The following ITGA3 variants were observed in gnomAD, a reference collection of about 807,000 sequenced individuals.
The protein encoded by ITGA3 is integrin alpha-3.
A neutral mutation model predicts 131.1 loss-of-function variants in ITGA3; 70 were observed. The observed-to-expected ratio is 0.53, with a 90% CI of 0.44 to 0.65. ITGA3 has a LOEUF of 0.65. Ranked by LOEUF, ITGA3 falls within the 30% of genes least tolerant of loss-of-function variation. The pLI is 0.00. For synonymous variants in ITGA3, 537 were observed against 571.6 expected, an observed-to-expected ratio of 0.94 and a Z score of 0.86; for missense variants, 1,098 against 1,388.6, an observed-to-expected ratio of 0.79 and a Z score of 3.33.
Position 50,074,544 on chromosome 17 carries a change from T to C in ITGA3, c.1469+10T>C, listed in dbSNP as rs4793639. On this transcript the variant is annotated intron_variant, in intron 10 of 25. Transcript: ENST00000320031. ...GCACGGCCACCTCTTGGTGAGATTG[T>C]TCTGCCCACCTACTCCTCATTTATT... 1,422,703 of 1,597,402 alleles carry C rather than the reference T, an allele frequency of 0.89. 637,744 individuals carry two copies. Among genetic ancestry groups the C allele is most frequent in the Non-Finnish European group, 0.92 (1,068,262 of 1,165,352 alleles).
At chr17:50,066,481 G>A (rs150123588) in intron 3 of ITGA3, among the ~76,000 whole-genome samples, 1 of 152,116 alleles carries the variant, frequency 6.6e-6, no homozygotes, top group African/African-American at 2.4e-5. Flanking sequence ...AACAATGCCT[G>A]GCTTTTTTCT....
rs748890642 is a variant in ITGA3, at chr17:50,070,854, C to T, written c.675C>T (p.Tyr225=). ...PGAYNWKGNS[Y]MIQRKEWDLS... is the part of the protein sequence containing the mutation. ...TCAATCCCTGTGAAGGAAACAGCTA[C>T]ATGATTCAGCGCAAGGAGTGGGACT... is the stretch of plus-strand genomic sequence containing the variant. Residue 225 remains tyrosine, a synonymous_variant, in exon 5 of 26, where the codon TAC becomes TAT. Coordinates refer to ENST00000320031, the MANE Select transcript of ITGA3 (RefSeq NM_002204.4). The T allele has an allele frequency of 9.3e-6, 15 of 1,610,780 alleles. No individual in the cohort carries two copies. The highest frequency in any genetic ancestry group is 1.3e-5 in the Non-Finnish European group (15 of 1,177,208).
At position 50,071,787 on chromosome 17, in the gene ITGA3, G is replaced by A. The variant is rs1045164391; in HGVS notation, c.960-199G>A. ...ATTTGTGCCTGCATGGCGTCTCCAT[G>A]ACATATGTCTTCTATTTGGTGGGTC... is the stretch of plus-strand genomic sequence containing the variant. On this transcript the variant is annotated intron_variant, in intron 6 of 25. Coordinates refer to ENST00000320031, the MANE Select transcript of ITGA3 (RefSeq NM_002204.4). 3 of 619,484 alleles carry A rather than the reference G, an allele frequency of 4.8e-6. No homozygotes were observed. The East Asian group carries it at 8.2e-5, about 17-fold the overall frequency. 38.4% of individuals were successfully genotyped at this position (619,484 alleles called of 1,614,324 possible).
chr17:50,062,039 C>CAA (rs529147794), intron 1 of ITGA3, among the ~76,000 whole-genome samples: 2,615 of 117,364 alleles, frequency 0.022, 171 homozygotes, highest in Admixed American at 0.14. Context: ...GACCCTGTCT[C>CAA]AAAAAAAAAA....
Position 50,068,059 on chromosome 17 carries a change from T to C in ITGA3, c.418T>C (p.Cys140Arg). The C allele has an allele frequency of 6.2e-7, 1 of 1,613,948 alleles. No homozygotes were observed. The highest frequency in any genetic ancestry group is 1.1e-5 in the South Asian group (1 of 91,090). The change falls in exon 4 of 26, where the codon TGT becomes CGT. Residue 140 changes from cysteine to arginine, a missense_variant. Coordinates refer to ENST00000320031, the MANE Select transcript of ITGA3 (RefSeq NM_002204.4). ...CCTGTGTTTGGGGGGTCCCCAGGTCTGTGCCCACCGCTACACCCAGGTGCT... is the reference window on the plus strand; with the variant it reads ...CCTGTGTTTGGGGGGTCCCCAGGTCCGTGCCCACCGCTACACCCAGGTGCT... ...SQGPAGRVLV[C>R]AHRYTQVLWS...
In ITGA3 at chr17:50,077,101, C is replaced by A; in HGVS notation, c.2050C>A (p.Leu684Met). The A allele has an allele frequency of 1.9e-6, 3 of 1,567,746 alleles. No homozygotes were observed. Among genetic ancestry groups the A allele is most frequent in the Non-Finnish European group, 1.7e-6 (2 of 1,153,238 alleles). ...CACCCTGGTGGTGCCTCCCGCCCTG[C>A]TGCTGTCCTCAGTGCGCCCCGTGAG... ...LLTLVVPPAL[L>M]LSSVRPPGAC... The change falls in exon 15 of 26, where the codon CTG becomes ATG. Residue 684 changes from leucine to methionine, a missense_variant. Coordinates refer to ENST00000320031, the MANE Select transcript of ITGA3 (RefSeq NM_002204.4).
intron 25 of ITGA3, 48 bp downstream of exon 25, chr17:50,088,414 G>A (rs888831054): frequency 9.9e-7 from 1 of 1,011,532 alleles, no homozygotes; most frequent in Non-Finnish European, 1.5e-6. Flanking sequence ...AGCTGGCCGG[G>A]CCTCTGACTC....
At position 50,074,442 on chromosome 17, in the gene ITGA3, C is replaced by G; in HGVS notation, c.1383-6C>G. 1 of 1,613,918 alleles carries G rather than the reference C, an allele frequency of 6.2e-7. No homozygotes were observed. The highest frequency in any genetic ancestry group is 2.2e-5 in the East Asian group (1 of 44,884). The stretch of plus-strand genomic sequence containing the variant: ...TGATATCTGTCTGGCTCTGTTGTCT[C>G]TGCAGGGCCCGGCCCGTCATCAACA... On this transcript the variant is annotated splice_region_variant and splice_polypyrimidine_tract_variant and intron_variant, in intron 9 of 25. Coordinates refer to ENST00000320031, the MANE Select transcript of ITGA3 (RefSeq NM_002204.4).
intron 25 of ITGA3, among the ~76,000 whole-genome samples, chr17:50,088,852 C>T (rs1404666639): frequency 6.6e-6 from 1 of 152,184 alleles, no homozygotes; most frequent in Non-Finnish European, 1.5e-5. Flanking sequence ...CTGGCCATTC[C>T]ATCCACTGTC....
rs555425211 is a variant in ITGA3, at chr17:50,062,338, C to T, written c.207-1739C>T. On this transcript the variant is annotated intron_variant, in intron 1 of 25. Transcript: ENST00000320031. ...CCCTAGACCCAGGTCCGTGGGTTCTCAGGCTGAGATGCTCCTTTCCCGCAG... is the reference window on the plus strand; with the variant it reads ...CCCTAGACCCAGGTCCGTGGGTTCTTAGGCTGAGATGCTCCTTTCCCGCAG... Among the ~76,000 whole-genome samples the T allele has an allele frequency of 3.9e-5, 6 of 152,330 alleles. No homozygotes were observed. In the East Asian group the frequency reaches 1.2e-3, roughly 29 times the overall value.
intron 22 of ITGA3, chr17:50,081,031 G>T (rs1159292715): frequency 7.3e-6 from 3 of 409,108 alleles, no homozygotes; most frequent in Non-Finnish European, 1.3e-5. Flanking sequence ...AACAGCAGGT[G>T]CCAGTCCAGA....
chr17:50,062,046 A>AG (rs1908107976), intron 1 of ITGA3, among the ~76,000 whole-genome samples: 1 of 151,656 alleles, frequency 6.6e-6, no homozygotes, highest in Non-Finnish European at 1.5e-5. Flanking sequence ...TCTCAAAAAA[A>AG]AAAAAAAAAA....
intron 12 of ITGA3, 83 bp downstream of exon 12, chr17:50,075,818 G>A: frequency 6.9e-7 from 1 of 1,440,950 alleles, no homozygotes; most frequent in Non-Finnish European, 9.6e-7. Flanking sequence ...AAGGGTGAGG[G>A]ACGGGGGTCT....
chr17:50,061,655 C>G (rs1908085361), intron 1 of ITGA3, among the ~76,000 whole-genome samples: 1 of 152,156 alleles, frequency 6.6e-6, no homozygotes, highest in Non-Finnish European at 1.5e-5. Context: ...CCATGGAAGT[C>G]TTCCTATGTC....
chr17:50,083,195 C>T (rs761906819), intron 23 of ITGA3, among the ~76,000 whole-genome samples: 1 of 152,090 alleles, frequency 6.6e-6, no homozygotes, highest in African/African-American at 2.4e-5. Context: ...TGGGAGAACA[C>T]ATTTGGAAAA....
intron 22 of ITGA3, 91 bp downstream of exon 22, chr17:50,080,466 GTGTGTGT>G (rs1909141388): frequency 4.2e-4 from 41 of 96,756 alleles, no homozygotes; most frequent in Admixed American, 1.7e-3. Context: ...TAGCATGGGT[GTGTGTGT>G]GTGTGTGTGT....
rs770739153 is a variant in ITGA3, at chr17:50,077,380, C to T, written c.2072C>T (p.Pro691Leu). The change falls in exon 16 of 26, where the codon CCC becomes CTC. Residue 691 changes from proline to leucine, a missense_variant and splice_region_variant. Transcript: ENST00000320031. ...ACCTTATTCGCCTTCTTTCCTCAGCCCGGGGCCTGCCAAGCTAATGAGACC... is the reference window on the plus strand; with the variant it reads ...ACCTTATTCGCCTTCTTTCCTCAGCTCGGGGCCTGCCAAGCTAATGAGACC... ...PALLLSSVRPPGACQANETIF... is the reference protein window; with the variant it reads ...PALLLSSVRPLGACQANETIF... The T allele has an allele frequency of 6.2e-7, 1 of 1,613,754 alleles. No individual in the cohort carries two copies. The highest frequency in any genetic ancestry group is 2.2e-5 in the East Asian group (1 of 44,872).
chr17:50,080,030 C>T (rs1909112106), intron 21 of ITGA3, among the ~76,000 whole-genome samples: 1 of 152,076 alleles, frequency 6.6e-6, no homozygotes, highest in South Asian at 2.1e-4. Flanking sequence ...CAAGCAGGGG[C>T]CAGATTCCAT....
intron 3 of ITGA3, among the ~76,000 whole-genome samples, chr17:50,067,848 C>A (rs1261838342): frequency 5.9e-5 from 9 of 152,220 alleles, no homozygotes; most frequent in Admixed American, 6.5e-5. Context: ...CCACACTTTA[C>A]AGCTTTCCAA....
Sources: allele counts gnomAD v4.1 joint callset (sites outside exome capture counted in the v4.1 genomes callset), GRCh38; gene constraint gnomAD v4.1.1; transcripts MANE v1.5; gene names NCBI Gene and HGNC (gene_info 2026-07-23, HGNC 2026-07-21).